The following DIAPH3 variants were observed in gnomAD, a reference collection of about 807,000 sequenced individuals.
DIAPH3 encodes the protein protein diaphanous homolog 3.
In DIAPH3, 117 loss-of-function variants were observed where a neutral mutation model predicts 144.3. The observed-to-expected ratio is 0.81, with a 90% CI of 0.70 to 0.95. DIAPH3 has a LOEUF of 0.95. DIAPH3 is among the 40% of genes least tolerant of loss of function. The pLI is 0.00. For missense variants in DIAPH3, 1,421 were observed against 1,412.7 expected, an observed-to-expected ratio of 1.01 and a Z score of -0.09; for synonymous variants, 519 against 488.9, an observed-to-expected ratio of 1.06 and a Z score of -0.81.
intron 1 of DIAPH3, among the ~76,000 whole-genome samples, chr13:60,158,415 G>A (rs1406409151): frequency 6.6e-6 from 1 of 152,176 alleles, no homozygotes; most frequent in African/African-American, 2.4e-5. Flanking sequence ...GCAACACACT[G>A]GCTGGTATAC....
At chr13:59,861,336 A>G (rs1211131931) in intron 22 of DIAPH3, 71 bp downstream of exon 22, 1 of 1,610,748 alleles carries the variant, frequency 6.2e-7, no homozygotes, top group Admixed American at 1.7e-5. Context: ...ACATACAAAT[A>G]AAAGGTATAA....
At chr13:60,005,334 G>A (rs551055641) in intron 9 of DIAPH3, among the ~76,000 whole-genome samples, 1 of 152,168 alleles carries the variant, frequency 6.6e-6, no homozygotes, top group African/African-American at 2.4e-5. Context: ...TAGATCAATA[G>A]TTGTCTCAGG....
chr13:59,826,970 G>A (rs2041469338), intron 24 of DIAPH3, among the ~76,000 whole-genome samples: 1 of 152,074 alleles, frequency 6.6e-6, no homozygotes, highest in Non-Finnish European at 1.5e-5. Flanking sequence ...GGGAAAACTG[G>A]CTAGCCATAT....
At chr13:59,941,191 C>G (rs2048512710) in intron 17 of DIAPH3, among the ~76,000 whole-genome samples, 1 of 152,130 alleles carries the variant, frequency 6.6e-6, no homozygotes, top group Non-Finnish European at 1.5e-5. Flanking sequence ...AAAATTAATG[C>G]AGTCACAAAA....
chr13:59,914,823 C>T (rs1483617591), intron 19 of DIAPH3, among the ~76,000 whole-genome samples: 1 of 152,092 alleles, frequency 6.6e-6, no homozygotes, highest in African/African-American at 2.4e-5. Context: ...TTGATGTTAG[C>T]ATAGTAAGAC....
At chr13:59,747,095 A>G (rs1250456082) in intron 27 of DIAPH3, among the ~76,000 whole-genome samples, 1 of 152,210 alleles carries the variant, frequency 6.6e-6, no homozygotes, top group African/African-American at 2.4e-5. Context: ...ACTAAGCTGC[A>G]AAGAAGTCAT....
intron 27 of DIAPH3, among the ~76,000 whole-genome samples, chr13:59,711,336 T>G (rs938189781): frequency 6.0e-5 from 9 of 151,218 alleles, no homozygotes; most frequent in African/African-American, 2.2e-4. Context: ...TAACAGCAGG[T>G]TTTTTTTTCC....
intron 20 of DIAPH3, among the ~76,000 whole-genome samples, chr13:59,885,326 C>T (rs2045364219): frequency 6.6e-6 from 1 of 151,876 alleles, no homozygotes; most frequent in African/African-American, 2.4e-5. Context: ...CCAGACAATC[C>T]CCATCCCATC....
chr13:59,693,987 A>G (rs1189383613), intron 27 of DIAPH3, among the ~76,000 whole-genome samples: 1 of 152,162 alleles, frequency 6.6e-6, no homozygotes, highest in Non-Finnish European at 1.5e-5. Flanking sequence ...CAAATAAGTG[A>G]CTTCATTCTT....
At chr13:60,124,479 C>A (rs778756673) in intron 2 of DIAPH3, among the ~76,000 whole-genome samples, 4 of 152,010 alleles carry the variant, frequency 2.6e-5, no homozygotes, top group Non-Finnish European at 5.9e-5. Context: ...GTTTTGTTTA[C>A]TTGAGATATT....
At chr13:60,117,730 A>G (rs1448525462) in intron 2 of DIAPH3, among the ~76,000 whole-genome samples, 5 of 152,152 alleles carry the variant, frequency 3.3e-5, no homozygotes, top group African/African-American at 1.2e-4. Context: ...GCTTAAACCA[A>G]GGTACAATAG....
In DIAPH3 at chr13:59,970,919, G is replaced by A; in HGVS notation, c.1892C>T (p.Pro631Leu). 1 of 1,613,858 alleles carries A rather than the reference G, an allele frequency of 6.2e-7. No individual in the cohort carries two copies. The highest frequency in any genetic ancestry group is 8.5e-7 in the Non-Finnish European group (1 of 1,179,976). Residue 631 changes from proline (P) to leucine (L), a missense_variant, in exon 16 of 28, where the codon CCA becomes CTA. Physicochemically the swap from Pro to Leu is moderately conservative, Grantham distance 98. Coordinates refer to ENST00000400324, the MANE Select transcript of DIAPH3 (RefSeq NM_001042517.2). The stretch of plus-strand genomic sequence containing the variant: ...TTCTTTCTTTGGTTTCAACCCAAAT[G>A]GCAGGATTGGTAGAGGAGGAGAATT... ...GQNSPPLPIL[P>L]FGLKPKKEFK...
chr13:59,991,940 C>A, intron 11 of DIAPH3, 128 bp downstream of exon 11: 1 of 752,516 alleles, frequency 1.3e-6, no homozygotes, highest in Non-Finnish European at 2.4e-6. Context: ...TAATAACATT[C>A]TTCTGATGCA....
At chr13:59,837,621 T>C (rs985343188) in intron 23 of DIAPH3, 5 of 152,664 alleles carry the variant, frequency 3.3e-5, no homozygotes, top group Non-Finnish European at 7.3e-5. Flanking sequence ...CTGTCACATA[T>C]GAATATTTTA....
At chr13:59,991,652 G>A (rs2051821173) in intron 11 of DIAPH3, among the ~76,000 whole-genome samples, 1 of 151,936 alleles carries the variant, frequency 6.6e-6, no homozygotes, top group Admixed American at 6.6e-5. Flanking sequence ...ATAGGAACCT[G>A]TTGGGTCTCA....
intron 23 of DIAPH3, among the ~76,000 whole-genome samples, chr13:59,837,188 T>C (rs998168034): frequency 2.6e-5 from 4 of 152,046 alleles, no homozygotes; most frequent in African/African-American, 7.2e-5. Flanking sequence ...GCTAATCAGT[T>C]CATTAGAGGC....
At chr13:59,710,658 G>A (rs1001956088) in intron 27 of DIAPH3, among the ~76,000 whole-genome samples, 3 of 152,192 alleles carry the variant, frequency 2.0e-5, no homozygotes, top group Admixed American at 2.0e-4. Flanking sequence ...ATGCTGTGCT[G>A]GCTCTCATCT....
intron 22 of DIAPH3, among the ~76,000 whole-genome samples, chr13:59,853,202 C>G (rs1485681717): frequency 2.0e-5 from 3 of 152,146 alleles, no homozygotes; most frequent in Non-Finnish European, 4.4e-5. Flanking sequence ...TTTCTCCTAT[C>G]ATATAATGTT....
intron 3 of DIAPH3, among the ~76,000 whole-genome samples, chr13:60,094,709 T>C (rs1438300766): frequency 6.6e-6 from 1 of 152,240 alleles, no homozygotes. Flanking sequence ...ATAAGGGTGC[T>C]ACATTCATCA....
Sources: allele counts gnomAD v4.1 joint callset (sites outside exome capture counted in the v4.1 genomes callset), GRCh38; gene constraint gnomAD v4.1.1; transcripts MANE v1.5; gene names NCBI Gene and HGNC (gene_info 2026-07-23, HGNC 2026-07-21).